The following MTMR3 variants were observed in gnomAD, a reference collection of about 807,000 sequenced individuals.
The protein encoded by MTMR3 is myotubularin related protein 3, also known as phosphatidylinositol-3,5-bisphosphate 3-phosphatase MTMR3.
MTMR3 carries 32 observed loss-of-function variants against 132.4 expected under a neutral mutation model. The observed-to-expected ratio is 0.24, with a 90% confidence interval of 0.18 to 0.32. The LOEUF (loss-of-function observed/expected upper bound fraction) is 0.32, where lower values mean the gene tolerates loss of function less well. Among genes scored for constraint, MTMR3 ranks in the 10% least tolerant of loss-of-function variants. The pLI, the probability that MTMR3 is intolerant of heterozygous loss-of-function variation, is 1.00. For missense variants in MTMR3, 1,216 were observed against 1,489.6 expected (o/e 0.82, Z 3.02); for synonymous variants, 556 against 550.3 (o/e 1.01, Z -0.14).
rs768403447 is a variant in MTMR3, at chr22:30,020,641, G to T, written c.2982G>T (p.Leu994=). 1.9e-6 allele frequency: 3 copies of T among 1,614,048 alleles called. No individual in the cohort carries two copies. The African/African-American group carries it at 4.0e-5, about 22-fold the overall frequency. Residue 994 remains leucine, a synonymous_variant, in exon 17 of 20, where the codon CTG becomes CTT. Transcript: ENST00000401950. ...LHSRNLHHKW[L]HSHSGRPSAT... is the part of the protein sequence containing the mutation. ...CAAGGAACTTGCACCACAAGTGGCTGCATAGCCACTCAGGAAGGCCATCTG... is the reference window on the plus strand; with the variant it reads ...CAAGGAACTTGCACCACAAGTGGCTTCATAGCCACTCAGGAAGGCCATCTG...
At position 30,023,425 on chromosome 22, in the gene MTMR3, T is replaced by A. The variant is rs1158757069; in HGVS notation, c.3425+728T>A. On this transcript the variant is annotated intron_variant, in intron 19 of 19. Coordinates refer to ENST00000401950, the MANE Select transcript of MTMR3 (RefSeq NM_021090.4). ...CAAGCCCAGATATCTTTGGTTGGCT[T>A]CTCTTCTGAGCTCTTTCTCCCCTCC... 1.9e-6 allele frequency: 3 copies of A among 1,614,112 alleles called. No individual in the cohort carries two copies. The South Asian group carries it at 3.3e-5, about 18-fold the overall frequency.
intron 12 of MTMR3, chr22:30,011,750 A>G (rs888359260): frequency 2.0e-5 from 3 of 152,392 alleles, no homozygotes; most frequent in Non-Finnish European, 4.4e-5. Context: ...GGCCATTGGT[A>G]TACTAATTTG....
intron 1 of MTMR3, among the ~76,000 whole-genome samples, chr22:29,928,654 G>T (rs558500809): frequency 6.6e-6 from 1 of 151,884 alleles, no homozygotes; most frequent in African/African-American, 2.4e-5. Context: ...ACAACCTGTT[G>T]GTGTGAAGTT....
At chr22:29,928,190 T>A (rs36581) in intron 1 of MTMR3, among the ~76,000 whole-genome samples, 10,436 of 117,892 alleles carry the variant, frequency 0.089, 438 homozygotes, top group African/African-American at 0.1. Flanking sequence ...TTTTTTTTTT[T>A]AGACAAAGTC....
At chr22:29,890,048 A>T (rs1232947211) in intron 1 of MTMR3, among the ~76,000 whole-genome samples, 1 of 151,750 alleles carries the variant, frequency 6.6e-6, no homozygotes, top group African/African-American at 2.4e-5. Context: ...CTGGGCGTAC[A>T]GGCGCATGCC....
chr22:29,959,483 A>G (rs1481189944), intron 2 of MTMR3, among the ~76,000 whole-genome samples: 1 of 152,078 alleles, frequency 6.6e-6, no homozygotes, highest in Non-Finnish European at 1.5e-5. Context: ...GGTTCAAGCA[A>G]TTCTCCTGCC....
intron 3 of MTMR3, among the ~76,000 whole-genome samples, chr22:29,977,883 A>T (rs900883883): frequency 6.6e-6 from 1 of 152,176 alleles, no homozygotes; most frequent in Non-Finnish European, 1.5e-5. Context: ...ACAGTGGCTC[A>T]TGTCTGTTAT....
chr22:29,909,559 T>G (rs914988046), intron 1 of MTMR3, among the ~76,000 whole-genome samples: 2 of 152,194 alleles, frequency 1.3e-5, no homozygotes, highest in Non-Finnish European at 2.9e-5. Flanking sequence ...TTACCTACTT[T>G]GTAGAGTTGA....
intron 1 of MTMR3, among the ~76,000 whole-genome samples, chr22:29,948,432 G>C (rs2065991584): frequency 6.6e-6 from 1 of 152,198 alleles, no homozygotes; most frequent in African/African-American, 2.4e-5. Context: ...GCAGTATGCA[G>C]GTTAGCTAGG....
intron 3 of MTMR3, among the ~76,000 whole-genome samples, chr22:29,977,134 TAAAA>T (rs200503791): frequency 6.6e-6 from 1 of 151,632 alleles, no homozygotes; most frequent in African/African-American, 2.4e-5. Flanking sequence ...CTACTGAAAA[TAAAA>T]AAAATTAGCC....
intron 18 of MTMR3, 132 bp from the exon 19 acceptor site, chr22:30,022,477 A>G: frequency 1.3e-6 from 1 of 755,020 alleles, no homozygotes; most frequent in Non-Finnish European, 2.3e-6. Context: ...TACTGTTGAC[A>G]TCAGATCTGC....
intron 3 of MTMR3, among the ~76,000 whole-genome samples, chr22:29,975,892 C>A (rs567182846): frequency 6.6e-6 from 1 of 152,220 alleles, no homozygotes; most frequent in African/African-American, 2.4e-5. Flanking sequence ...AGGCATGAGC[C>A]GTGTACCTGG....
chr22:29,984,179 T>A (rs1018628578), intron 5 of MTMR3: 2 of 152,140 alleles, frequency 1.3e-5, no homozygotes, highest in Admixed American at 1.3e-4. Flanking sequence ...TTACTGATTT[T>A]AGATTTAGAC....
intron 19 of MTMR3, chr22:30,023,284 G>A: frequency 3.0e-6 from 2 of 663,746 alleles, no homozygotes; most frequent in South Asian, 3.6e-5. Context: ...CTTAGAAGAG[G>A]AAGTTTATCT....
chr22:29,973,522 C>T (rs1446438242), intron 3 of MTMR3, among the ~76,000 whole-genome samples: 4 of 152,212 alleles, frequency 2.6e-5, no homozygotes, highest in Non-Finnish European at 5.9e-5. Flanking sequence ...ATTTTCACTT[C>T]TACGCTTTGC....
chr22:29,930,069 T>C (rs983799431), intron 1 of MTMR3, among the ~76,000 whole-genome samples: 1 of 152,200 alleles, frequency 6.6e-6, no homozygotes, highest in Non-Finnish European at 1.5e-5. Context: ...TTTCATACTA[T>C]TTGATTTCCA....
At chr22:29,904,111 A>G (rs1363028837) in intron 1 of MTMR3, among the ~76,000 whole-genome samples, 2 of 152,340 alleles carry the variant, frequency 1.3e-5, no homozygotes, top group African/African-American at 2.4e-5. Flanking sequence ...TGAGACAACA[A>G]TGTTGGTGAT....
intron 8 of MTMR3, 56 bp downstream of exon 8, chr22:29,998,913 G>A (rs938540856): frequency 7.8e-6 from 9 of 1,159,462 alleles, no homozygotes; most frequent in South Asian, 4.5e-5. Flanking sequence ...TGCAGAAACC[G>A]CAATTCTCAT....
intron 3 of MTMR3, among the ~76,000 whole-genome samples, chr22:29,972,786 G>A (rs1789167348): frequency 1.3e-5 from 2 of 152,208 alleles, no homozygotes; most frequent in African/African-American, 4.8e-5. Context: ...GGCCAGGCTG[G>A]TCTCGAACTC....
Sources: gnomAD v4.1 joint callset for allele counts (sites outside exome capture counted in the v4.1 genomes callset) on GRCh38, gnomAD v4.1.1 for gene constraint, MANE v1.5 for transcripts, NCBI Gene and HGNC (gene_info 2026-07-23, HGNC 2026-07-21) for gene names.